Variants in ATG7 observed in about 807,000 individuals in gnomAD.
ATG7 encodes autophagy related 7.
ATG7 carries 70 observed loss-of-function variants against 82.4 expected under a neutral mutation model. The ratio of observed to expected loss-of-function variants is 0.85; its 90% CI spans 0.70 to 1.04. ATG7 has a LOEUF of 1.04. Among genes scored for constraint, ATG7 ranks in the 50% least tolerant of loss-of-function variants. ATG7 has a pLI of 0.00. For missense variants in ATG7, 792 were observed against 864.3 expected (o/e 0.92, Z 1.05); for synonymous variants, 287 against 313.0 (o/e 0.92, Z 0.88).
At chr3:11,498,102 C>CTAA in intron 20 of ATG7, among the ~76,000 whole-genome samples, 1 of 152,318 alleles carries the variant, frequency 6.6e-6, no homozygotes, top group South Asian at 2.1e-4. Flanking sequence ...TCCTGACTCT[C>CTAA]AATCCAGTAT....
At chr3:11,472,216 C>G (rs931088929) in intron 20 of ATG7, among the ~76,000 whole-genome samples, 14 of 152,136 alleles carry the variant, frequency 9.2e-5, no homozygotes, top group African/African-American at 3.4e-4. Flanking sequence ...TTAAAAATGT[C>G]AATAGCAAAC....
chr3:11,387,720 C>T (rs2078426779), intron 19 of ATG7, among the ~76,000 whole-genome samples: 1 of 152,140 alleles, frequency 6.6e-6, no homozygotes, highest in Admixed American at 6.6e-5. Context: ...CCTGTAATCC[C>T]AGCACTTTGG....
At chr3:11,327,801 A>T (rs893272095) in intron 9 of ATG7, among the ~76,000 whole-genome samples, 1 of 152,164 alleles carries the variant, frequency 6.6e-6, no homozygotes, top group Non-Finnish European at 1.5e-5. Context: ...GTGCTTCTGA[A>T]ACTTCCATGG....
In ATG7 at chr3:11,554,973, C is replaced by T. The variant is rs552214729; in HGVS notation, c.*130C>T. 180 of 1,191,022 alleles carry T rather than the reference C, an allele frequency of 1.5e-4. No individual in the cohort carries two copies. The South Asian group carries it at 1.6e-3, about 10-fold the overall frequency. 73.8% of individuals were successfully genotyped at this position (1,191,022 alleles called of 1,614,324 possible). On this transcript the variant is annotated 3_prime_UTR_variant, in exon 21 of 21. Coordinates refer to ENST00000693202, the MANE Select transcript of ATG7 (RefSeq NM_001349232.2). ...CTCCATACCCCGAGGTCTGGGATTC[C>T]CCCCTCTGCTGCCCAGGAGTGGCCA...
intron 20 of ATG7, among the ~76,000 whole-genome samples, chr3:11,514,690 ATACT>A (rs2092208321): frequency 6.6e-6 from 1 of 152,238 alleles, no homozygotes; most frequent in Non-Finnish European, 1.5e-5. Flanking sequence ...TATGCATAGC[ATACT>A]TACATAGCTC....
intron 7 of ATG7, among the ~76,000 whole-genome samples, chr3:11,310,212 C>T (rs933183386): frequency 6.6e-6 from 1 of 151,914 alleles, no homozygotes; most frequent in South Asian, 2.1e-4. Context: ...TAATATTAGC[C>T]ATATTGATCT....
intron 20 of ATG7, among the ~76,000 whole-genome samples, chr3:11,509,376 A>G (rs1273647597): frequency 6.6e-6 from 1 of 151,822 alleles, no homozygotes. Flanking sequence ...TTTCTGATGC[A>G]ACATGAATTT....
chr3:11,322,647 A>G (rs1950359535), intron 9 of ATG7, among the ~76,000 whole-genome samples: 3 of 152,134 alleles, frequency 2.0e-5, no homozygotes, highest in African/African-American at 7.2e-5. Flanking sequence ...TGGATGTATG[A>G]TAGTATTTTT....
intron 20 of ATG7, among the ~76,000 whole-genome samples, chr3:11,430,659 A>G (rs2082791210): frequency 6.6e-6 from 1 of 152,240 alleles, no homozygotes; most frequent in South Asian, 2.1e-4. Context: ...GCACTGTGCT[A>G]GTAACTGAAT....
chr3:11,345,604 A>T (rs1327877352), intron 13 of ATG7, among the ~76,000 whole-genome samples: 1 of 152,026 alleles, frequency 6.6e-6, no homozygotes, highest in African/African-American at 2.4e-5. Context: ...AAATCTTTTC[A>T]TATTCCTAAT....
chr3:11,325,539 C>G (rs576330804), intron 9 of ATG7, among the ~76,000 whole-genome samples: 34 of 152,130 alleles, frequency 2.2e-4, no homozygotes. Flanking sequence ...GGTGTGGTGG[C>G]GCATGCCTGT....
intron 20 of ATG7, among the ~76,000 whole-genome samples, chr3:11,501,565 G>GTA (rs2091325216): frequency 2.1e-5 from 1 of 46,968 alleles, no homozygotes; most frequent in African/African-American, 7.8e-5. Flanking sequence ...GTGTGATAAT[G>GTA]TTATTATGGT....
chr3:11,305,670 C>G (rs1030987053), intron 5 of ATG7, among the ~76,000 whole-genome samples: 1 of 152,140 alleles, frequency 6.6e-6, no homozygotes, highest in African/African-American at 2.4e-5. Context: ...AGCATGGTGA[C>G]AAACAACTTG....
chr3:11,567,935 A>C, the ATG7 span, among the ~76,000 whole-genome samples: 1 of 152,188 alleles, frequency 6.6e-6, no homozygotes, highest in East Asian at 1.9e-4. Flanking sequence ...CTCATGTCCC[A>C]GATTCAGGAG....
At chr3:11,441,027 T>TA (rs2083897250) in intron 20 of ATG7, among the ~76,000 whole-genome samples, 1 of 152,162 alleles carries the variant, frequency 6.6e-6, no homozygotes, top group Admixed American at 6.5e-5. Context: ...AATTCAGTAT[T>TA]AAACTAGAAA....
chr3:11,492,857 G>C (rs899018386), intron 20 of ATG7, among the ~76,000 whole-genome samples: 1 of 152,244 alleles, frequency 6.6e-6, no homozygotes, highest in Non-Finnish European at 1.5e-5. Flanking sequence ...ACTTTGTGCA[G>C]ACCCCACGGC....
At chr3:11,574,834 T>TGC in the ATG7 span, among the ~76,000 whole-genome samples, 9 of 147,328 alleles carry the variant, frequency 6.1e-5, no homozygotes, top group Non-Finnish European at 1.0e-4. Flanking sequence ...TGTGTGTGTG[T>TGC]GTGTATTTTA....
In ATG7 at chr3:11,555,883, C is replaced by G. The variant is rs1398653630; in HGVS notation, c.*1040C>G. ...CAAAGTGAAAATTGAGTCGAGCTGA[C>G]CCTTACAACAGTAGGATTTAGTAGG... On this transcript the variant is annotated 3_prime_UTR_variant, in exon 21 of 21. Coordinates refer to ENST00000693202, the MANE Select transcript of ATG7 (RefSeq NM_001349232.2). 2.0e-5 allele frequency: 3 copies of G among 152,468 alleles called. No homozygotes were observed. The East Asian group carries it at 5.8e-4, about 29-fold the overall frequency. 9.4% of individuals were successfully genotyped at this position (152,468 alleles called of 1,614,324 possible).
At chr3:11,350,923 CAAAAAAAAAAAA>C (rs10709080) in intron 14 of ATG7, among the ~76,000 whole-genome samples, 3 of 57,636 alleles carry the variant, frequency 5.2e-5, no homozygotes, top group Admixed American at 2.4e-4. Flanking sequence ...GACCCTAGCC[CAAAAAAAAAAAA>C]AAAAAAAAAA....
Sources: allele counts gnomAD v4.1 joint callset (sites outside exome capture counted in the v4.1 genomes callset), GRCh38; gene constraint gnomAD v4.1.1; transcripts MANE v1.5; gene names NCBI Gene and HGNC (gene_info 2026-07-23, HGNC 2026-07-21).